Variants in ADGRL3 observed in about 807,000 individuals in gnomAD.
ADGRL3 encodes calcium-independent alpha-latrotoxin receptor 3.
A neutral mutation model predicts 153.5 loss-of-function variants in ADGRL3; 62 were observed. The observed-to-expected ratio is 0.40, with a 90% confidence interval of 0.33 to 0.50. The LOEUF (loss-of-function observed/expected upper bound fraction) is 0.50, where lower values mean the gene tolerates loss of function less well. ADGRL3 is among the 20% of genes least tolerant of loss of function. The probability of loss-of-function intolerance (pLI) is 0.47; values close to 1 mark genes in which losing one functional copy is unlikely to be tolerated. For synonymous variants in ADGRL3, 710 were observed against 672.5 expected (o/e 1.06, Z -0.86); for missense variants, 1,641 against 1,859.4 (o/e 0.88, Z 2.16).
intron 19 of ADGRL3, among the ~76,000 whole-genome samples, chr4:61,993,201 T>TGTGTGC (rs60935966): frequency 1.3e-5 from 2 of 150,764 alleles, no homozygotes; most frequent in Non-Finnish European, 3.0e-5. Context: ...TGTGTGTGTG[T>TGTGTGC]CTGATCTAGT....
At chr4:62,054,918 G>A (rs990655252) in intron 25 of ADGRL3, among the ~76,000 whole-genome samples, 1 of 151,304 alleles carries the variant, frequency 6.6e-6, no homozygotes, top group Non-Finnish European at 1.5e-5. Flanking sequence ...ACAGTGATAT[G>A]AAATACCATT....
At chr4:61,542,300 T>A (rs1232025768) in intron 4 of ADGRL3, among the ~76,000 whole-genome samples, 1 of 152,190 alleles carries the variant, frequency 6.6e-6, no homozygotes, top group Non-Finnish European at 1.5e-5. Flanking sequence ...CACAATTTAT[T>A]TACTGTGAAC....
intron 4 of ADGRL3, among the ~76,000 whole-genome samples, chr4:61,586,948 A>T (rs2098948864): frequency 6.6e-6 from 1 of 152,068 alleles, no homozygotes; most frequent in Non-Finnish European, 1.5e-5. Flanking sequence ...CTGACACACT[A>T]GGCCAAGAGT....
chr4:61,666,163 G>A (rs1257842830), intron 5 of ADGRL3, among the ~76,000 whole-genome samples: 1 of 152,054 alleles, frequency 6.6e-6, no homozygotes, highest in Admixed American at 6.6e-5. Context: ...CATGCACACA[G>A]TTATTCCTTT....
intron 1 of ADGRL3, among the ~76,000 whole-genome samples, chr4:61,254,318 G>C (rs1452801587): frequency 6.6e-6 from 1 of 152,122 alleles, no homozygotes; most frequent in Admixed American, 6.5e-5. Context: ...TGTCATTAAT[G>C]AGTTAGGGAT....
chr4:61,641,657 G>C (rs1281312485), intron 5 of ADGRL3, among the ~76,000 whole-genome samples: 3 of 151,848 alleles, frequency 2.0e-5, no homozygotes, highest in Admixed American at 6.6e-5. Flanking sequence ...TGGTGTATAT[G>C]TGCCACATTT....
intron 9 of ADGRL3, among the ~76,000 whole-genome samples, chr4:61,868,089 C>A (rs150883922): frequency 1.5e-4 from 23 of 152,114 alleles, no homozygotes; most frequent in African/African-American, 4.6e-4. Flanking sequence ...TAAATTGAAT[C>A]GTATACTTTC....
At chr4:61,850,951 G>T (rs949655009) in intron 9 of ADGRL3, among the ~76,000 whole-genome samples, 1 of 151,910 alleles carries the variant, frequency 6.6e-6, no homozygotes, top group Admixed American at 6.6e-5. Context: ...CTTCCCCAAT[G>T]GCATTACCTT....
At chr4:61,565,702 T>G (rs1324542864) in intron 4 of ADGRL3, among the ~76,000 whole-genome samples, 5 of 152,034 alleles carry the variant, frequency 3.3e-5, no homozygotes, top group Non-Finnish European at 1.5e-5. Flanking sequence ...CACACCCAGC[T>G]AATTTTTGTA....
At chr4:61,395,430 G>A (rs1351416904) in intron 2 of ADGRL3, among the ~76,000 whole-genome samples, 1 of 152,068 alleles carries the variant, frequency 6.6e-6, no homozygotes, top group East Asian at 1.9e-4. Context: ...AATTAATGGA[G>A]TCTTCACCAA....
chr4:61,284,978 G>A (rs139491030), intron 1 of ADGRL3, among the ~76,000 whole-genome samples: 32 of 150,944 alleles, frequency 2.1e-4, no homozygotes, highest in South Asian at 8.4e-4. Flanking sequence ...GTTTAAAATC[G>A]TTCTATAATA....
intron 13 of ADGRL3, among the ~76,000 whole-genome samples, chr4:61,914,782 G>A (rs1216342021): frequency 1.3e-5 from 2 of 152,102 alleles, no homozygotes; most frequent in Non-Finnish European, 2.9e-5. Context: ...GGGAAGGTTA[G>A]AAAATTCTTG....
intron 4 of ADGRL3, among the ~76,000 whole-genome samples, chr4:61,569,627 C>T (rs2098830408): frequency 6.6e-6 from 1 of 152,160 alleles, no homozygotes; most frequent in Non-Finnish European, 1.5e-5. Flanking sequence ...TACTTTCTAA[C>T]TCTACATCTT....
intron 1 of ADGRL3, among the ~76,000 whole-genome samples, chr4:61,229,916 A>ATG (rs1749833342): frequency 6.6e-6 from 1 of 151,758 alleles, no homozygotes; most frequent in South Asian, 2.1e-4. Context: ...ATATATATAT[A>ATG]TACACACATA....
chr4:61,764,471 A>G (rs4860433), intron 8 of ADGRL3, among the ~76,000 whole-genome samples: 69,936 of 133,850 alleles, frequency 0.52, 18,902 homozygotes, highest in East Asian at 0.76. Context: ...CTCAGTGGGG[A>G]TGCTTTTGGA....
chr4:61,820,358 TA>T (rs757062798), intron 9 of ADGRL3, among the ~76,000 whole-genome samples: 4 of 152,242 alleles, frequency 2.6e-5, no homozygotes, highest in Non-Finnish European at 5.9e-5. Context: ...TATTACTGAA[TA>T]GGGGTGTAAA....
intron 2 of ADGRL3, among the ~76,000 whole-genome samples, chr4:61,469,874 T>C (rs369007368): frequency 6.6e-6 from 1 of 151,914 alleles, no homozygotes; most frequent in Non-Finnish European, 1.5e-5. Flanking sequence ...AAGAAGACAA[T>C]ATGTTTATGT....
At chr4:61,606,265 A>C (rs2099032050) in intron 5 of ADGRL3, among the ~76,000 whole-genome samples, 2 of 152,230 alleles carry the variant, frequency 1.3e-5, no homozygotes, top group African/African-American at 4.8e-5. Flanking sequence ...AGAGAGCTGT[A>C]ATGATGAGGT....
chr4:61,308,486 T>TA (rs1370971522), intron 1 of ADGRL3, among the ~76,000 whole-genome samples: 8 of 152,212 alleles, frequency 5.3e-5, no homozygotes, highest in Admixed American at 5.2e-4. Flanking sequence ...TAGGTGTTTT[T>TA]AAGACTTCCT....
Sources: allele counts gnomAD v4.1 joint callset (sites outside exome capture counted in the v4.1 genomes callset), GRCh38; gene constraint gnomAD v4.1.1; transcripts MANE v1.5; gene names NCBI Gene and HGNC (gene_info 2026-07-23, HGNC 2026-07-21).